Variants in VWA8 observed in about 807,000 individuals in gnomAD.
VWA8 encodes the protein von Willebrand factor A domain-containing protein 8.
In VWA8, 221 loss-of-function variants were observed where a neutral mutation model predicts 241.5. The ratio of observed to expected loss-of-function variants is 0.91; its 90% CI spans 0.82 to 1.02. The LOEUF is 1.02. Among genes scored for constraint, VWA8 ranks in the 50% least tolerant of loss-of-function variants. VWA8 has a pLI of 0.00. For synonymous variants in VWA8, 852 were observed against 827.1 expected, an observed-to-expected ratio of 1.03 and a Z score of -0.52; for missense variants, 2,322 against 2,328.7, an observed-to-expected ratio of 1.00 and a Z score of 0.06.
At chr13:41,876,085 C>A (rs561436710) in intron 9 of VWA8, among the ~76,000 whole-genome samples, 31 of 152,152 alleles carry the variant, frequency 2.0e-4, no homozygotes, top group Non-Finnish European at 1.5e-5. Flanking sequence ...TAACCCAAAT[C>A]CAACTACTTC....
At chr13:41,740,521 A>G (rs1359665583) in intron 21 of VWA8, among the ~76,000 whole-genome samples, 1 of 152,188 alleles carries the variant, frequency 6.6e-6, no homozygotes, top group Non-Finnish European at 1.5e-5. Context: ...TTTCTGTTCT[A>G]GTATCAATCA....
At position 41,602,569 on chromosome 13, in the gene VWA8, A is replaced by G. The variant is rs140390545; in HGVS notation, c.4986+2599T>C. Among the ~76,000 whole-genome samples, 4 of 152,310 alleles carry G rather than the reference A, an allele frequency of 2.6e-5. No individual in the cohort carries two copies. In the East Asian group the frequency reaches 7.7e-4, roughly 29 times the overall value. On this transcript the variant is annotated intron_variant, in intron 40 of 44. Coordinates refer to ENST00000379310, the MANE Select transcript of VWA8 (RefSeq NM_015058.2). The stretch of plus-strand genomic sequence containing the variant: ...CTGGTTTCTGTAGAGGTTAAATAGC[A>G]CAATGAATGTAAAGTACCTGACTGG...
intron 12 of VWA8, among the ~76,000 whole-genome samples, chr13:41,843,734 T>A (rs1300466364): frequency 1.3e-5 from 2 of 151,686 alleles, no homozygotes; most frequent in Admixed American, 1.3e-4. Flanking sequence ...AACTAGAAAA[T>A]CTAGAGGAAA....
At chr13:41,635,782 T>C (rs1433275864) in intron 37 of VWA8, among the ~76,000 whole-genome samples, 3 of 152,118 alleles carry the variant, frequency 2.0e-5, no homozygotes, top group Non-Finnish European at 4.4e-5. Context: ...GAAATTTTCC[T>C]GGAAGAAGTA....
At chr13:41,603,366 C>A (rs1014848233) in intron 40 of VWA8, among the ~76,000 whole-genome samples, 1 of 152,098 alleles carries the variant, frequency 6.6e-6, no homozygotes, top group Non-Finnish European at 1.5e-5. Context: ...GTGGACCTGA[C>A]TTTTCATCTT....
intron 4 of VWA8, among the ~76,000 whole-genome samples, chr13:41,906,578 T>C (rs999507417): frequency 3.9e-5 from 6 of 152,190 alleles, no homozygotes; most frequent in African/African-American, 1.4e-4. Flanking sequence ...TACCATTATT[T>C]CATTAGTCTC....
intron 38 of VWA8, among the ~76,000 whole-genome samples, chr13:41,614,475 G>A (rs1056825225): frequency 3.3e-5 from 5 of 152,190 alleles, no homozygotes; most frequent in Admixed American, 1.3e-4. Flanking sequence ...GCCTTATCTC[G>A]AAATCTTGCA....
chr13:41,936,081 T>C (rs1418127821), intron 2 of VWA8, among the ~76,000 whole-genome samples: 1 of 152,144 alleles, frequency 6.6e-6, no homozygotes, highest in Admixed American at 6.5e-5. Context: ...TGTCAGAAGA[T>C]GTACTTTTTA....
chr13:41,620,567 G>A (rs1310695596), intron 37 of VWA8, among the ~76,000 whole-genome samples: 2 of 152,068 alleles, frequency 1.3e-5, no homozygotes, highest in Non-Finnish European at 2.9e-5. Context: ...TTTTTAGGGT[G>A]TTGATTTTAG....
intron 4 of VWA8, among the ~76,000 whole-genome samples, chr13:41,897,845 CG>C (rs1240072973): frequency 2.0e-5 from 3 of 152,080 alleles, no homozygotes; most frequent in South Asian, 4.1e-4. Flanking sequence ...GGGACCCGAG[CG>C]GGTTGCCACT....
intron 43 of VWA8, among the ~76,000 whole-genome samples, chr13:41,574,988 A>T (rs966739227): frequency 6.6e-6 from 1 of 152,228 alleles, no homozygotes; most frequent in South Asian, 2.1e-4. Flanking sequence ...CACAATTAGC[A>T]ATTGCAATGA....
chr13:41,579,250 C>T (rs1205108978), intron 42 of VWA8, among the ~76,000 whole-genome samples: 1 of 152,170 alleles, frequency 6.6e-6, no homozygotes, highest in African/African-American at 2.4e-5. Flanking sequence ...AATATAAATA[C>T]ACCATTCTCA....
Position 41,649,951 on chromosome 13 carries a change from C to A in VWA8, c.4611+20995G>T, listed in dbSNP as rs1387495459. Among the ~76,000 whole-genome samples, 7 of 152,274 alleles carry A rather than the reference C, an allele frequency of 4.6e-5. No individual in the cohort carries two copies. The East Asian group carries it at 1.4e-3, about 29-fold the overall frequency. ...GGCTGGGACGGGAAATAATCTAATT[C>A]CTTGGATTGTTCATTGTAATTTACG... On this transcript the variant is annotated intron_variant, in intron 37 of 44. Coordinates refer to ENST00000379310, the MANE Select transcript of VWA8 (RefSeq NM_015058.2).
chr13:41,749,102 C>G (rs1449224643), intron 21 of VWA8, among the ~76,000 whole-genome samples: 1 of 152,108 alleles, frequency 6.6e-6, no homozygotes, highest in Non-Finnish European at 1.5e-5. Context: ...TTTTTGCAAT[C>G]TACTCATCTG....
chr13:41,628,650 C>T (rs1292009137), intron 37 of VWA8, among the ~76,000 whole-genome samples: 2 of 152,012 alleles, frequency 1.3e-5, no homozygotes, highest in Non-Finnish European at 2.9e-5. Flanking sequence ...CAGCTAGAGG[C>T]CATTATCCTA....
At chr13:41,749,976 A>G (rs1365866551) in intron 21 of VWA8, among the ~76,000 whole-genome samples, 1 of 152,122 alleles carries the variant, frequency 6.6e-6, no homozygotes, top group South Asian at 2.1e-4. Context: ...ATACATATGT[A>G]ACAAACCTGC....
intron 14 of VWA8, 61 bp from the exon 15 acceptor site, chr13:41,819,447 G>A (rs1870852647): frequency 2.6e-6 from 4 of 1,524,866 alleles, no homozygotes; most frequent in Non-Finnish European, 3.5e-6. Context: ...ATCAGATCAT[G>A]GTAACTAAAG....
Position 41,692,917 on chromosome 13 carries a change from A to T in VWA8, c.3620T>A (p.Leu1207His). ...TTGRALHRLI[L>H]PSEKFTSKKP... ...CTTAGATGTAAACTTCTCGGAAGGG[A>T]GGATGAGACGATGAAGGGCCCGGCC... The change falls in exon 30 of 45, where the codon CTC becomes CAC. Residue 1207 changes from leucine to histidine, a missense_variant. By Grantham distance (99) the Leu-to-His change is moderately conservative (BLOSUM62 -3). Coordinates refer to ENST00000379310, the MANE Select transcript of VWA8 (RefSeq NM_015058.2). 1.2e-6 allele frequency: 2 copies of T among 1,611,224 alleles called. No homozygotes were observed. Among genetic ancestry groups the T allele is most frequent in the Non-Finnish European group, 1.7e-6 (2 of 1,178,168 alleles).
intron 21 of VWA8, among the ~76,000 whole-genome samples, chr13:41,744,666 CT>C (rs2045591169): frequency 1.3e-5 from 2 of 152,160 alleles, no homozygotes; most frequent in Non-Finnish European, 2.9e-5. Flanking sequence ...CTTCGTCACT[CT>C]GTCTGCTTAC....
Sources: gnomAD v4.1 joint callset for allele counts (sites outside exome capture counted in the v4.1 genomes callset) on GRCh38, gnomAD v4.1.1 for gene constraint, MANE v1.5 for transcripts, NCBI Gene and HGNC (gene_info 2026-07-23, HGNC 2026-07-21) for gene names.